PDE4D: variants seen among roughly 807,000 people sequenced by gnomAD.
PDE4D encodes 3',5'-cyclic-AMP phosphodiesterase 4D.
In PDE4D, 24 loss-of-function variants were observed where a neutral mutation model predicts 87.4. The observed-to-expected ratio is 0.27, with a 90% CI of 0.20 to 0.39. The LOEUF (loss-of-function observed/expected upper bound fraction) is 0.39. Ranked by LOEUF, PDE4D falls within the 10% of genes least tolerant of loss-of-function variation. The pLI is 1.00. For synonymous variants in PDE4D, 384 were observed against 383.2 expected, an observed-to-expected ratio of 1.00 and a Z score of -0.02; for missense variants, 714 against 1,041.0, an observed-to-expected ratio of 0.69 and a Z score of 4.32.
chr5:59,217,401 G>A (rs1751496932), intron 1 of PDE4D: 1 of 393,890 alleles, frequency 2.5e-6, no homozygotes, highest in Non-Finnish European at 5.0e-6. Flanking sequence ...AATAAATAGA[G>A]TTATGACTCT....
At position 59,713,482 on chromosome 5, in the gene PDE4D, G is replaced by A. The variant is rs181117628; in HGVS notation, c.455+179686C>T. Among the ~76,000 whole-genome samples the A allele has an allele frequency of 3.0e-4, 45 of 152,190 alleles. 1 individual carries two copies. Among genetic ancestry groups the A allele is most frequent in the African/African-American group, 7.2e-5 (3 of 41,440 alleles). Reference sequence around the variant, plus strand: ...TGCACCTACGGCTCACACTCAGACAGTAAAGGCACGTTGAAACTGTGCATG... The same window carrying A: ...TGCACCTACGGCTCACACTCAGACAATAAAGGCACGTTGAAACTGTGCATG... On this transcript the variant is annotated intron_variant, in intron 1 of 14. Coordinates refer to ENST00000340635, the MANE Select transcript of PDE4D (RefSeq NM_001104631.2).
chr5:59,513,717 G>A (rs771420036), intron 1 of PDE4D, among the ~76,000 whole-genome samples: 5 of 152,114 alleles, frequency 3.3e-5, no homozygotes, highest in Non-Finnish European at 2.9e-5. Flanking sequence ...GAGTAAGTAA[G>A]AATTTAAGAA....
chr5:59,633,955 A>G (rs974922479), intron 1 of PDE4D, among the ~76,000 whole-genome samples: 3 of 152,220 alleles, frequency 2.0e-5, no homozygotes, highest in African/African-American at 7.2e-5. Context: ...AACTAGACAG[A>G]GTCAAGACCC....
intron 1 of PDE4D, among the ~76,000 whole-genome samples, chr5:59,389,225 A>G (rs1195073338): frequency 1.3e-5 from 2 of 152,022 alleles, no homozygotes; most frequent in African/African-American, 4.8e-5. Context: ...TTTTTCATTA[A>G]CAGTTTTATA....
At chr5:59,004,868 C>T (rs13188962) in intron 6 of PDE4D, among the ~76,000 whole-genome samples, 15,365 of 152,186 alleles carry the variant, frequency 0.1, 1,038 homozygotes, top group Non-Finnish European at 0.13. Flanking sequence ...CCTGAAATTT[C>T]CTGAATGTTC....
chr5:60,356,568 T>C (rs1009078334), intron 1 of PDE4D, among the ~76,000 whole-genome samples: 18 of 152,190 alleles, frequency 1.2e-4, no homozygotes, highest in South Asian at 2.1e-4. Context: ...AATGTCTGAA[T>C]TGAAGCCATT....
At chr5:59,434,376 G>A (rs1039384296) in intron 1 of PDE4D, among the ~76,000 whole-genome samples, 2 of 151,330 alleles carry the variant, frequency 1.3e-5, no homozygotes, top group African/African-American at 4.9e-5. Flanking sequence ...TTGACTGAAC[G>A]ATTTCCCCTG....
chr5:59,653,786 T>TA (rs1373024662), intron 1 of PDE4D, among the ~76,000 whole-genome samples: 1 of 151,392 alleles, frequency 6.6e-6, no homozygotes, highest in Non-Finnish European at 1.5e-5. Context: ...AATATCTATT[T>TA]ATGAGTGGGG....
intron 4 of PDE4D, among the ~76,000 whole-genome samples, chr5:59,183,281 T>C (rs1203952078): frequency 6.6e-6 from 1 of 152,196 alleles, no homozygotes; most frequent in Non-Finnish European, 1.5e-5. Context: ...TTTGGTTAGA[T>C]GTCACCCTGG....
intron 2 of PDE4D, among the ~76,000 whole-genome samples, chr5:60,005,403 T>C (rs1377472103): frequency 6.6e-6 from 1 of 152,012 alleles, no homozygotes; most frequent in Non-Finnish European, 1.5e-5. Flanking sequence ...CAATAGATAA[T>C]AATACTGTAT....
intron 1 of PDE4D, among the ~76,000 whole-genome samples, chr5:59,660,005 C>A (rs890577138): frequency 1.3e-5 from 2 of 151,972 alleles, no homozygotes; most frequent in African/African-American, 4.8e-5. Flanking sequence ...GGCAACATGG[C>A]GAGGCCCCAT....
chr5:60,126,598 A>T (rs565799113), intron 2 of PDE4D, among the ~76,000 whole-genome samples: 2 of 152,324 alleles, frequency 1.3e-5, no homozygotes, highest in East Asian at 3.9e-4. Flanking sequence ...ACAAAATGGC[A>T]CACTTGTATT....
At chr5:60,479,788 T>TTTGCCAACCC (rs1325586538) in intron 1 of PDE4D, among the ~76,000 whole-genome samples, 1 of 152,122 alleles carries the variant, frequency 6.6e-6, no homozygotes, top group African/African-American at 2.4e-5. Context: ...GAAGTAGTAG[T>TTTGCCAACCC]TTGCCAACCC....
intron 1 of PDE4D, among the ~76,000 whole-genome samples, chr5:59,268,905 G>T (rs1044378406): frequency 6.6e-6 from 1 of 152,004 alleles, no homozygotes; most frequent in African/African-American, 2.4e-5. Context: ...GCTAGTAATG[G>T]TTGGGTGGAT....
intron 1 of PDE4D, among the ~76,000 whole-genome samples, chr5:59,516,468 A>G (rs1811171434): frequency 6.6e-6 from 1 of 152,242 alleles, no homozygotes; most frequent in Non-Finnish European, 1.5e-5. Context: ...CGAAGATAAC[A>G]GTCTACAGCT....
At chr5:60,203,090 G>T (rs1006047321) in intron 1 of PDE4D, among the ~76,000 whole-genome samples, 3 of 152,146 alleles carry the variant, frequency 2.0e-5, no homozygotes, top group African/African-American at 7.2e-5. Flanking sequence ...CTTCTGCCTA[G>T]CCTGCTGAGT....
intron 6 of PDE4D, among the ~76,000 whole-genome samples, chr5:59,014,255 C>T (rs1753492390): frequency 6.6e-6 from 1 of 152,160 alleles, no homozygotes; most frequent in Non-Finnish European, 1.5e-5. Flanking sequence ...GATGCCTTCT[C>T]TCACCGCTCC....
intron 6 of PDE4D, among the ~76,000 whole-genome samples, chr5:59,015,513 A>G (rs544576385): frequency 0.092 from 13,791 of 149,516 alleles, 882 homozygotes; most frequent in Non-Finnish European, 0.12. Flanking sequence ...GCCAACAGAC[A>G]CGTGAAAAAA....
At chr5:59,604,390 G>C (rs1171174932) in intron 1 of PDE4D, among the ~76,000 whole-genome samples, 15 of 152,042 alleles carry the variant, frequency 9.9e-5, no homozygotes, top group Non-Finnish European at 4.4e-5. Flanking sequence ...TTAACCTGCT[G>C]ACTGCAATGG....
Sources: allele counts gnomAD v4.1 joint callset (sites outside exome capture counted in the v4.1 genomes callset), GRCh38; gene constraint gnomAD v4.1.1; transcripts MANE v1.5; gene names NCBI Gene and HGNC (gene_info 2026-07-23, HGNC 2026-07-21).